Variants in ZDHHC17 observed in about 807,000 individuals in gnomAD.
The protein encoded by ZDHHC17 is palmitoyltransferase ZDHHC17.
In ZDHHC17, 40 loss-of-function variants were observed where a neutral mutation model predicts 90.3. The ratio of observed to expected loss-of-function variants is 0.44; its 90% CI spans 0.34 to 0.58. The LOEUF (loss-of-function observed/expected upper bound fraction) is 0.58. Ranked by LOEUF, ZDHHC17 falls within the 20% of genes least tolerant of loss-of-function variation. The pLI is 0.01. For missense variants in ZDHHC17, 614 were observed against 780.8 expected, an observed-to-expected ratio of 0.79 and a Z score of 2.55; for synonymous variants, 235 against 252.4, an observed-to-expected ratio of 0.93 and a Z score of 0.65.
At chr12:76,838,584 T>C (rs1953397010) in intron 10 of ZDHHC17, among the ~76,000 whole-genome samples, 1 of 152,194 alleles carries the variant, frequency 6.6e-6, no homozygotes, top group Non-Finnish European at 1.5e-5. Context: ...TGGGTTTAGC[T>C]GTCTTAAGAT....
intron 1 of ZDHHC17, among the ~76,000 whole-genome samples, chr12:76,776,412 A>G (rs766156468): frequency 2.6e-5 from 4 of 152,276 alleles, no homozygotes; most frequent in African/African-American, 9.6e-5. Flanking sequence ...TCACAGGTAA[A>G]TACTACTTTA....
chr12:76,813,011 C>T (rs910285309), intron 5 of ZDHHC17, among the ~76,000 whole-genome samples: 1 of 151,934 alleles, frequency 6.6e-6, no homozygotes, highest in African/African-American at 2.4e-5. Context: ...AAATCCCGAC[C>T]CAAAGAGAGA....
At chr12:76,793,265 A>G (rs1952780956) in intron 1 of ZDHHC17, among the ~76,000 whole-genome samples, 3 of 152,232 alleles carry the variant, frequency 2.0e-5, no homozygotes, top group Admixed American at 2.0e-4. Flanking sequence ...TCCTGCCTGT[A>G]ATCCCAGCAC....
chr12:76,836,467 C>A (rs570318054), intron 10 of ZDHHC17, among the ~76,000 whole-genome samples: 27 of 151,876 alleles, frequency 1.8e-4, no homozygotes, highest in African/African-American at 5.8e-4. Context: ...GAGCTATTTT[C>A]TAATCTATTT....
At chr12:76,839,732 C>T (rs1030220301) in intron 10 of ZDHHC17, among the ~76,000 whole-genome samples, 11 of 152,120 alleles carry the variant, frequency 7.2e-5, no homozygotes, top group Non-Finnish European at 5.9e-5. Flanking sequence ...GATAAAATAG[C>T]AGGTATTTGC....
intron 7 of ZDHHC17, chr12:76,821,042 C>G: frequency 7.8e-7 from 1 of 1,281,932 alleles, no homozygotes; most frequent in Non-Finnish European, 1.0e-6. Flanking sequence ...AAAGCTCCCT[C>G]AATCTTTTTG....
rs564368747 is a variant in ZDHHC17, at chr12:76,848,198, T to C, written c.1508-35T>C. The C allele has an allele frequency of 3.7e-6, 6 of 1,609,844 alleles. No individual in the cohort carries two copies. The South Asian group carries it at 5.5e-5, about 15-fold the overall frequency. On this transcript the variant is annotated intron_variant, in intron 14 of 16. Transcript: ENST00000426126. ...CCTATATGAGGTGCTTGGATGATTA[T>C]TGAGTAAATACGAGTACTTCTGTTC...
intron 14 of ZDHHC17, among the ~76,000 whole-genome samples, chr12:76,847,912 A>T (rs987021602): frequency 2.0e-5 from 3 of 152,164 alleles, no homozygotes; most frequent in Non-Finnish European, 4.4e-5. Flanking sequence ...TTTCAAAAAA[A>T]TCTCTTTCAT....
At chr12:76,812,060 A>G (rs918461411) in intron 5 of ZDHHC17, among the ~76,000 whole-genome samples, 2 of 152,184 alleles carry the variant, frequency 1.3e-5, no homozygotes, top group African/African-American at 4.8e-5. Context: ...AGATTTTATT[A>G]CATATATGCA....
chr12:76,817,314 G>GT (rs1397782652), intron 7 of ZDHHC17, among the ~76,000 whole-genome samples: 2 of 151,964 alleles, frequency 1.3e-5, no homozygotes, highest in African/African-American at 2.4e-5. Flanking sequence ...ATTACCTCAT[G>GT]TTTTTTTATC....
chr12:76,842,127 T>G (rs1265998957), intron 11 of ZDHHC17, 21 bp downstream of exon 11: 1 of 1,537,542 alleles, frequency 6.5e-7, no homozygotes, highest in South Asian at 1.3e-5. Context: ...ACCAACTAAG[T>G]CACTTGTATT....
chr12:76,764,399 G>A (rs1952404543), intron 1 of ZDHHC17, 70 bp downstream of exon 1: 3 of 1,449,976 alleles, frequency 2.1e-6, no homozygotes, highest in Non-Finnish European at 2.8e-6. Context: ...ACTCGCCGAG[G>A]GCGGCGGCCG....
chr12:76,809,917 A>G, intron 5 of ZDHHC17, 60 bp downstream of exon 5: 1 of 1,537,638 alleles, frequency 6.5e-7, no homozygotes, highest in Non-Finnish European at 8.8e-7. Flanking sequence ...TTAAATGCCT[A>G]ATATTATTGG....
In ZDHHC17 at chr12:76,851,126, T is replaced by A; in HGVS notation, c.*141T>A. 1 of 973,138 alleles carries A rather than the reference T, an allele frequency of 1.0e-6. No individual in the cohort carries two copies. Among genetic ancestry groups the A allele is most frequent in the Non-Finnish European group, 1.5e-6 (1 of 680,704 alleles). The allele number at this position is 973,138 out of a possible 1,614,324, so 60.3% of individuals were successfully genotyped here. On this transcript the variant is annotated 3_prime_UTR_variant, in exon 17 of 17. Coordinates refer to ENST00000426126, the MANE Select transcript of ZDHHC17 (RefSeq NM_015336.4). ...TAATGGTGAATTTTACAGTCTTTTT[T>A]TCAACACTTTTATTAACAAAAGTAA...
chr12:76,835,949 G>A (rs1218615167), intron 10 of ZDHHC17, among the ~76,000 whole-genome samples: 1 of 151,368 alleles, frequency 6.6e-6, no homozygotes, highest in Non-Finnish European at 1.5e-5. Flanking sequence ...TGTGAATTGT[G>A]TATGTTTTTT....
intron 1 of ZDHHC17, among the ~76,000 whole-genome samples, chr12:76,774,297 A>AAT (rs879737650): frequency 6.6e-4 from 55 of 83,350 alleles, no homozygotes; most frequent in African/African-American, 1.6e-3. Context: ...TATGTGTGTA[A>AAT]ATATATATAT....
chr12:76,776,875 T>C (rs1240097808), intron 1 of ZDHHC17, among the ~76,000 whole-genome samples: 1 of 152,216 alleles, frequency 6.6e-6, no homozygotes, highest in African/African-American at 2.4e-5. Context: ...TGTGTAACTT[T>C]TTATTGAGGC....
intron 7 of ZDHHC17, chr12:76,821,176 T>C (rs1953159272): frequency 1.6e-6 from 2 of 1,256,778 alleles, no homozygotes; most frequent in South Asian, 1.3e-5. Context: ...AGGTAATCTT[T>C]ATAGTTTGGA....
chr12:76,821,329 T>C (rs1293684708), intron 7 of ZDHHC17, among the ~76,000 whole-genome samples: 1 of 152,166 alleles, frequency 6.6e-6, no homozygotes, highest in African/African-American at 2.4e-5. Context: ...ATTAAAGGAT[T>C]GGTTGGGCTT....
Sources: gnomAD v4.1 joint callset for allele counts (sites outside exome capture counted in the v4.1 genomes callset) on GRCh38, gnomAD v4.1.1 for gene constraint, MANE v1.5 for transcripts, NCBI Gene and HGNC (gene_info 2026-07-23, HGNC 2026-07-21) for gene names.